Variants in SNCAIP observed in about 807,000 individuals in gnomAD.
SNCAIP encodes synuclein alpha interacting protein.
A neutral mutation model predicts 86.7 loss-of-function variants in SNCAIP; 43 were observed. The observed-to-expected ratio is 0.50, with a 90% CI of 0.39 to 0.64. The LOEUF (loss-of-function observed/expected upper bound fraction) is 0.64, where lower values mean the gene tolerates loss of function less well. Ranked by LOEUF, SNCAIP falls within the 30% of genes least tolerant of loss-of-function variation. The pLI is 0.00. For missense variants in SNCAIP, 981 were observed against 1,103.1 expected, an observed-to-expected ratio of 0.89 and a Z score of 1.57; for synonymous variants, 417 against 427.2, an observed-to-expected ratio of 0.98 and a Z score of 0.29.
intron 2 of SNCAIP, among the ~76,000 whole-genome samples, chr5:122,393,509 A>G (rs1769886331): frequency 3.3e-5 from 5 of 152,170 alleles, no homozygotes; most frequent in Admixed American, 3.3e-4. Context: ...GGATGAATAT[A>G]GTTTATTGCA....
At chr5:122,459,047 G>A (rs187839646) in intron 10 of SNCAIP, among the ~76,000 whole-genome samples, 122 of 152,232 alleles carry the variant, frequency 8.0e-4, no homozygotes, top group Admixed American at 4.0e-3. Context: ...AAAATGGTGT[G>A]TTCTTTATCA....
intron 1 of SNCAIP, among the ~76,000 whole-genome samples, chr5:122,334,687 G>A (rs942173258): frequency 3.3e-5 from 5 of 152,126 alleles, no homozygotes; most frequent in Admixed American, 3.3e-4. Context: ...TTTATATTAG[G>A]AGAAATTTTT....
At chr5:122,456,721 A>G (rs952542266) in intron 10 of SNCAIP, among the ~76,000 whole-genome samples, 5 of 152,060 alleles carry the variant, frequency 3.3e-5, no homozygotes, top group African/African-American at 7.2e-5. Context: ...TCTTGCTTTC[A>G]TTTTTTGACC....
chr5:122,448,589 T>A (rs1032968956), intron 8 of SNCAIP, among the ~76,000 whole-genome samples: 4 of 117,736 alleles, frequency 3.4e-5, no homozygotes, highest in African/African-American at 1.1e-4. Flanking sequence ...ATTTTATATA[T>A]ATTTTTATAT....
intron 2 of SNCAIP, among the ~76,000 whole-genome samples, chr5:122,396,409 A>G (rs1485644897): frequency 1.3e-5 from 2 of 152,174 alleles, no homozygotes; most frequent in African/African-American, 4.8e-5. Context: ...GTGGTTTCTA[A>G]GAAGAATGAG....
At chr5:122,362,820 C>T in intron 1 of SNCAIP, among the ~76,000 whole-genome samples, 1 of 152,046 alleles carries the variant, frequency 6.6e-6, no homozygotes, top group East Asian at 1.9e-4. Flanking sequence ...CAAACATATG[C>T]AAATGAATTA....
chr5:122,434,771 A>G (rs1779058490), intron 6 of SNCAIP, among the ~76,000 whole-genome samples: 1 of 152,142 alleles, frequency 6.6e-6, no homozygotes, highest in Non-Finnish European at 1.5e-5. Context: ...GAGATGCTGA[A>G]CTTGGAACCA....
intron 3 of SNCAIP, among the ~76,000 whole-genome samples, chr5:122,406,928 T>G (rs1392794609): frequency 6.6e-6 from 1 of 152,218 alleles, no homozygotes; most frequent in East Asian, 1.9e-4. Context: ...ACACTTGCTA[T>G]TTTGTATAGG....
intron 2 of SNCAIP, among the ~76,000 whole-genome samples, chr5:122,392,670 C>A (rs927274023): frequency 2.6e-5 from 4 of 152,130 alleles, no homozygotes; most frequent in Non-Finnish European, 5.9e-5. Context: ...TTGAAAGCAG[C>A]CAGCCTGGGT....
chr5:122,392,748 G>T (rs1769685613), intron 2 of SNCAIP, among the ~76,000 whole-genome samples: 1 of 152,184 alleles, frequency 6.6e-6, no homozygotes, highest in South Asian at 2.1e-4. Flanking sequence ...ATACACTTTA[G>T]GTTGTTGTGA....
intron 1 of SNCAIP, among the ~76,000 whole-genome samples, chr5:122,343,757 A>G (rs1258228398): frequency 6.6e-6 from 1 of 152,128 alleles, no homozygotes. Context: ...TACACATTAG[A>G]TGTGAGTAGC....
chr5:122,386,717 C>T (rs957213152), intron 1 of SNCAIP, among the ~76,000 whole-genome samples: 1 of 152,066 alleles, frequency 6.6e-6, no homozygotes, highest in Non-Finnish European at 1.5e-5. Flanking sequence ...TTCTTTCCCT[C>T]TCTATCAGTT....
intron 1 of SNCAIP, among the ~76,000 whole-genome samples, chr5:122,330,208 G>A (rs1029152995): frequency 1.5e-5 from 2 of 137,150 alleles, no homozygotes; most frequent in Admixed American, 8.0e-5. Context: ...TGCAAGCTCC[G>A]CCTCCCGGGT....
chr5:122,457,215 C>A (rs1172106924), intron 10 of SNCAIP, among the ~76,000 whole-genome samples: 1 of 152,114 alleles, frequency 6.6e-6, no homozygotes, highest in Non-Finnish European at 1.5e-5. Context: ...GTTGGCCAGG[C>A]TGGTTTTGAA....
At chr5:122,366,679 A>G (rs1281319265) in intron 1 of SNCAIP, among the ~76,000 whole-genome samples, 3 of 152,262 alleles carry the variant, frequency 2.0e-5, no homozygotes, top group South Asian at 4.1e-4. Context: ...AGTCTGTGTC[A>G]TAAAGTTTCC....
chr5:122,401,928 G>GT (rs1771903242), intron 2 of SNCAIP, among the ~76,000 whole-genome samples: 1 of 152,210 alleles, frequency 6.6e-6, no homozygotes, highest in African/African-American at 2.4e-5. Flanking sequence ...GGAGATGGCA[G>GT]TTAGGAAGCA....
Position 122,377,901 on chromosome 5 carries a change from G to GGTGT in SNCAIP, c.-46-13187_-46-13184dup, listed in dbSNP as rs1318156261. Among the ~76,000 whole-genome samples the GGTGT allele has an allele frequency of 2.0e-5, 3 of 151,938 alleles. No homozygotes were observed. The East Asian group carries it at 5.8e-4, about 29-fold the overall frequency. ...TTTTTATGGCTGCATAGTATTCCAT[G>GGTGT]GTGTATATGTGCCACATTTTCGCAA... On this transcript the variant is annotated intron_variant, in intron 1 of 10. Transcript: ENST00000261368.
At chr5:122,377,019 T>C (rs1163875608) in intron 1 of SNCAIP, among the ~76,000 whole-genome samples, 1 of 152,194 alleles carries the variant, frequency 6.6e-6, no homozygotes, top group East Asian at 1.9e-4. Context: ...AAGCAGCCCA[T>C]TCCATTAAAG....
At chr5:122,373,574 C>T (rs771388766) in intron 1 of SNCAIP, among the ~76,000 whole-genome samples, 15 of 152,254 alleles carry the variant, frequency 9.9e-5, no homozygotes, top group Middle Eastern at 3.4e-3. Flanking sequence ...TCATGAGCAT[C>T]GTGGGAAACA....
Sources: gnomAD v4.1 joint callset for allele counts (sites outside exome capture counted in the v4.1 genomes callset) on GRCh38, gnomAD v4.1.1 for gene constraint, MANE v1.5 for transcripts, NCBI Gene and HGNC (gene_info 2026-07-23, HGNC 2026-07-21) for gene names.